TOMM7: variants seen among roughly 807,000 people sequenced by gnomAD.
TOMM7 encodes mitochondrial import receptor subunit TOM7 homolog.
Under a neutral mutation model 9.5 loss-of-function variants are expected in TOMM7, and 8 were observed. The observed-to-expected ratio is 0.84, with a 90% CI of 0.49 to 1.51. The LOEUF is 1.51. Ranked by LOEUF, TOMM7 falls within the 40% of genes most tolerant of loss-of-function variation. TOMM7 has a pLI of 0.00. For synonymous variants in TOMM7, 27 were observed against 21.4 expected (o/e 1.26, Z -0.72); for missense variants, 74 against 63.7 (o/e 1.16, Z -0.55).
At chr7:22,817,470 T>C (rs1347599984) in intron 2 of TOMM7, 2 of 225,530 alleles carry the variant, frequency 8.9e-6, no homozygotes, top group Non-Finnish European at 1.9e-5. Flanking sequence ...CTTGAACTCC[T>C]AGCTTCAAGC....
At chr7:22,814,951 T>C (rs1400736028) in intron 2 of TOMM7, among the ~76,000 whole-genome samples, 2 of 152,216 alleles carry the variant, frequency 1.3e-5, no homozygotes, top group Non-Finnish European at 1.5e-5. Context: ...TCTGTTCCTT[T>C]CAGAGTACAG....
chr7:22,822,828 T>C lies in TOMM7; in HGVS notation c.-49A>G. 1.3e-6 allele frequency: 2 copies of C among 1,504,130 alleles called. No individual in the cohort carries two copies. Among genetic ancestry groups the C allele is most frequent in the Non-Finnish European group, 1.9e-6 (2 of 1,080,806 alleles). The allele number at this position is 1,504,130 out of a possible 1,614,324, so 93.2% of individuals were successfully genotyped here. ...AGGACCCCTTACAGCAACCACAGCG[T>C]CGGGAATCCGAAAGGGAAAGGAGGT... On this transcript the variant is annotated 5_prime_UTR_variant, in exon 1 of 3. Coordinates refer to ENST00000358435, the MANE Select transcript of TOMM7 (RefSeq NM_019059.5).
chr7:22,822,032 T>G, intron 1 of TOMM7: 1 of 1,190,050 alleles, frequency 8.4e-7, no homozygotes, highest in Non-Finnish European at 1.1e-6. Flanking sequence ...CCAAATCCTT[T>G]AAGTGCGCTA....
chr7:22,816,415 G>C (rs1782316701), intron 2 of TOMM7, among the ~76,000 whole-genome samples: 1 of 152,190 alleles, frequency 6.6e-6, no homozygotes, highest in Non-Finnish European at 1.5e-5. Context: ...CACTCAACTA[G>C]TAGGCAGAAG....
At chr7:22,814,335 G>A (rs564829458) in intron 2 of TOMM7, among the ~76,000 whole-genome samples, 15 of 130,854 alleles carry the variant, frequency 1.1e-4, no homozygotes, top group African/African-American at 3.9e-4. Flanking sequence ...GGGTGACAGA[G>A]CAAGACTCCG....
At chr7:22,819,999 C>T (rs1026691500) in intron 1 of TOMM7, among the ~76,000 whole-genome samples, 12 of 152,190 alleles carry the variant, frequency 7.9e-5, no homozygotes, top group African/African-American at 2.4e-4. Context: ...AAGTTAAATC[C>T]GCAGTTGCTG....
At chr7:22,814,498 G>A (rs1196866384) in intron 2 of TOMM7, among the ~76,000 whole-genome samples, 2 of 152,172 alleles carry the variant, frequency 1.3e-5, no homozygotes, top group South Asian at 4.2e-4. Flanking sequence ...CAGCCTGGGT[G>A]ACAGAAAAAA....
chr7:22,815,281 C>T (rs1261117894), intron 2 of TOMM7, among the ~76,000 whole-genome samples: 2 of 152,240 alleles, frequency 1.3e-5, no homozygotes, highest in Admixed American at 6.5e-5. Context: ...CAGAAAGACA[C>T]ATTCTTGCCC....
intron 1 of TOMM7, among the ~76,000 whole-genome samples, chr7:22,819,462 C>T (rs912898810): frequency 3.3e-5 from 5 of 152,130 alleles, no homozygotes; most frequent in Admixed American, 3.3e-4. Context: ...TCACCTACTC[C>T]CGGGTTCAAG....
intron 1 of TOMM7, among the ~76,000 whole-genome samples, chr7:22,818,558 G>A (rs1782346191): frequency 6.6e-6 from 1 of 152,168 alleles, no homozygotes; most frequent in South Asian, 2.1e-4. Context: ...TGGGATTACA[G>A]GTGTGAACCA....
intron 1 of TOMM7, chr7:22,822,411 A>G: frequency 1.1e-6 from 1 of 889,516 alleles, no homozygotes. Flanking sequence ...CCCTCCCTAC[A>G]ATCCCGAGAA....
chr7:22,821,268 C>A (rs1782385389), intron 1 of TOMM7, among the ~76,000 whole-genome samples: 1 of 151,844 alleles, frequency 6.6e-6, no homozygotes, highest in Non-Finnish European at 1.5e-5. Context: ...AATATTAGCC[C>A]GGCATGGTGG....
At position 22,814,282 on chromosome 7, in the gene TOMM7, G is replaced by C. The variant is rs184641625; in HGVS notation, c.153-1097C>G. ...GGAGAATCGCTTGAACCTGGGAGGC[G>C]GAGGTTGCAGTGAGCCGAGATTGTA... On this transcript the variant is annotated intron_variant, in intron 2 of 2. Coordinates refer to ENST00000358435, the MANE Select transcript of TOMM7 (RefSeq NM_019059.5). 2.4e-3 allele frequency among the ~76,000 whole-genome samples: 364 copies of C among 151,306 alleles called. 1 individual carries two copies. The highest frequency in any genetic ancestry group is 3.5e-3 in the Non-Finnish European group (238 of 67,832).
At chr7:22,817,902 C>A in intron 2 of TOMM7, 98 bp downstream of exon 2, 2 of 1,180,704 alleles carry the variant, frequency 1.7e-6, no homozygotes, top group South Asian at 1.3e-5. Flanking sequence ...TGATAAAGCT[C>A]CATTTCAAGG....
At position 22,822,719 on chromosome 7, in the gene TOMM7, A is replaced by G. The variant is rs1426164365; in HGVS notation, c.61T>C (p.Phe21Leu). The change falls in exon 1 of 3, where the codon TTT becomes CTT. Residue 21 changes from phenylalanine (F) to leucine (L), a missense_variant. By Grantham distance (22) the Phe-to-Leu change is conservative. Coordinates refer to ENST00000358435, the MANE Select transcript of TOMM7 (RefSeq NM_019059.5). ...GGGATAAAGCCCCAGCGAATGGCAA[A>G]CTGGCTCCCCTTGAAGAGCTGCTGT... is the stretch of plus-strand genomic sequence containing the variant. ...RLQQLFKGSQ[F>L]AIRWGFIPLV... 1 of 1,614,084 alleles carries G rather than the reference A, an allele frequency of 6.2e-7. No homozygotes were observed. The highest frequency in any genetic ancestry group is 8.5e-7 in the Non-Finnish European group (1 of 1,180,044).
At chr7:22,819,240 T>C (rs1045523230) in intron 1 of TOMM7, among the ~76,000 whole-genome samples, 1 of 151,658 alleles carries the variant, frequency 6.6e-6, no homozygotes, top group Non-Finnish European at 1.5e-5. Context: ...ATTTAAAAGA[T>C]AAAAAATAGT....
intron 2 of TOMM7, among the ~76,000 whole-genome samples, chr7:22,813,639 G>T (rs1032386047): frequency 2.6e-5 from 4 of 151,888 alleles, no homozygotes; most frequent in Non-Finnish European, 5.9e-5. Context: ...GAGGCTCTGA[G>T]ATAGTTATAT....
chr7:22,821,328 A>G (rs1243866403), intron 1 of TOMM7, among the ~76,000 whole-genome samples: 1 of 151,620 alleles, frequency 6.6e-6, no homozygotes, highest in East Asian at 1.9e-4. Flanking sequence ...GAGAATGGCG[A>G]GAACCCGGGA....
At chr7:22,817,796 T>G (rs1472268468) in intron 2 of TOMM7, 1 of 497,606 alleles carries the variant, frequency 2.0e-6, no homozygotes, top group African/African-American at 2.0e-5. Context: ...TGTTAAAATA[T>G]GCTTCATTGT....
Sources: gnomAD v4.1 joint callset for allele counts (sites outside exome capture counted in the v4.1 genomes callset) on GRCh38, gnomAD v4.1.1 for gene constraint, MANE v1.5 for transcripts, NCBI Gene and HGNC (gene_info 2026-07-23, HGNC 2026-07-21) for gene names.